The following ACTA2 variants were observed in gnomAD, a reference collection of about 807,000 sequenced individuals.
ACTA2 encodes the protein actin, aortic smooth muscle.
A neutral mutation model predicts 39.5 loss-of-function variants in ACTA2; 12 were observed. The observed-to-expected ratio is 0.30, with a 90% CI of 0.19 to 0.49. ACTA2 has a LOEUF of 0.49. Ranked by LOEUF, ACTA2 falls within the 20% of genes least tolerant of loss-of-function variation. The probability of loss-of-function intolerance (pLI) is 0.99; values close to 1 mark genes in which losing one functional copy is unlikely to be tolerated. For synonymous variants in ACTA2, 158 were observed against 180.6 expected (o/e 0.88, Z 1.00); for missense variants, 236 against 498.8 (o/e 0.47, Z 5.02).
At position 88,962,695 on chromosome 10, in the gene ACTA2, C is replaced by T. The variant is rs1290420091; in HGVS notation, c.-23-13742G>A. On this transcript the variant is annotated intron_variant, in intron 1 of 4. Transcript: ENST00000415557. ...TGACCATTTTATCAGCACGTGATTA[C>T]CATGATGTGGAATAAACTTCATAAG... Among the ~76,000 whole-genome samples, 3 of 151,854 alleles carry T rather than the reference C, an allele frequency of 2.0e-5. No individual in the cohort carries two copies. The East Asian group carries it at 5.8e-4, about 30-fold the overall frequency.
At chr10:88,947,045 T>C (rs574391785) in intron 3 of ACTA2, 4 of 568,894 alleles carry the variant, frequency 7.0e-6, no homozygotes, top group Non-Finnish European at 1.2e-5. Flanking sequence ...TCCAGCTTCA[T>C]CCATGTCCCT....
chr10:88,944,188 T>G (rs981594107), intron 3 of ACTA2, among the ~76,000 whole-genome samples: 1 of 152,158 alleles, frequency 6.6e-6, no homozygotes, highest in Non-Finnish European at 1.5e-5. Context: ...TGATCAAACC[T>G]TGGGTTCAAA....
At chr10:88,936,055 T>A (rs1177436173) in intron 8 of ACTA2, among the ~76,000 whole-genome samples, 1 of 152,250 alleles carries the variant, frequency 6.6e-6, no homozygotes, top group Non-Finnish European at 1.5e-5. Context: ...TACTTCTTAA[T>A]ACAAAGTACT....
intron 1 of ACTA2, among the ~76,000 whole-genome samples, chr10:88,982,141 T>C (rs1846726726): frequency 6.6e-6 from 1 of 152,222 alleles, no homozygotes; most frequent in Admixed American, 6.5e-5. Context: ...AGCTTACTGG[T>C]TGGGTGACTA....
Position 88,949,847 on chromosome 10 carries a change from G to A in ACTA2, c.-23-894C>T, listed in dbSNP as rs184082657. On this transcript the variant is annotated intron_variant, in intron 1 of 8. Transcript: ENST00000224784. ...TTGACTGAGGTTATTATGAAGTGGTGGGTTTTATAGGTGTTTTTAATTATT... is the reference window on the plus strand; with the variant it reads ...TTGACTGAGGTTATTATGAAGTGGTAGGTTTTATAGGTGTTTTTAATTATT... 3.0e-3 allele frequency among the ~76,000 whole-genome samples: 451 copies of A among 152,026 alleles called. 1 individual carries two copies. Among genetic ancestry groups the A allele is most frequent in the Non-Finnish European group, 5.3e-3 (359 of 67,974 alleles).
rs1847159438 is a variant in ACTA2, at chr10:88,991,038, G to A, written c.-123C>T. 4.0e-6 allele frequency: 5 copies of A among 1,235,834 alleles called. No homozygotes were observed. In the Admixed American group the frequency reaches 5.9e-5, roughly 15 times the overall value. The allele number at this position is 1,235,834 out of a possible 1,614,324, so 76.6% of individuals were successfully genotyped here. A position where few individuals can be genotyped will look rare whatever the true frequency, so the allele number is the denominator to read the frequency against. ...CGCGGGCACCTGGGAGCGGCGGGCT[G>A]CTGCGGGAGGCGTTGGAGACTGGCT... On this transcript the variant is annotated 5_prime_UTR_variant, in exon 1 of 5. Coordinates refer to the ACTA2 transcript ENST00000415557.
rs1845812292 is a variant in ACTA2 at position 88,939,657 on chromosome 10, AAC to A, written c.656_657del (p.Cys219LeufsTer7). 3 of 1,614,064 alleles carry A rather than the reference AAC, an allele frequency of 1.9e-6. No homozygotes were observed. Among genetic ancestry groups the A allele is most frequent in the Non-Finnish European group, 2.5e-6 (3 of 1,179,952 alleles). ...TCATTTTCAAAGTCCAGAGCTACAT[AAC>A]ACAGTTTCTCCTTGATGTCCCGGAC... is the stretch of plus-strand genomic sequence containing the variant. Reference protein sequence around the residue: ...EIVRDIKEKLCYVALDFENEM... With the variant: ...EIVRDIKEKLXYVALDFENEM... On this transcript the variant is annotated frameshift_variant, in exon 7 of 9. Transcript: ENST00000224784. LOFTEE classifies it high-confidence loss of function.
intron 1 of ACTA2, among the ~76,000 whole-genome samples, chr10:88,963,186 A>C (rs1846265411): frequency 6.6e-6 from 1 of 151,446 alleles, no homozygotes; most frequent in South Asian, 2.1e-4. Context: ...GGACACAGCC[A>C]AACCATATCA....
intron 1 of ACTA2, among the ~76,000 whole-genome samples, chr10:88,950,337 C>T (rs1401126254): frequency 6.6e-6 from 1 of 152,102 alleles, no homozygotes; most frequent in Admixed American, 6.5e-5. Flanking sequence ...ACTGATTGCA[C>T]CTCCAAATCC....
chr10:88,944,193 T>C (rs1845906671), intron 3 of ACTA2, among the ~76,000 whole-genome samples: 1 of 152,116 alleles, frequency 6.6e-6, no homozygotes, highest in African/African-American at 2.4e-5. Flanking sequence ...AAACCTTGGG[T>C]TCAAAGCCCA....
chr10:88,967,033 C>A (rs559310647), intron 1 of ACTA2, among the ~76,000 whole-genome samples: 2 of 152,310 alleles, frequency 1.3e-5, no homozygotes, highest in East Asian at 3.9e-4. Context: ...GTTTATACAA[C>A]ACTTATTTTA....
At chr10:88,953,751 A>G (rs1047991994), upstream of ACTA2, among the ~76,000 whole-genome samples, 2 of 152,162 alleles carry the variant, frequency 1.3e-5, no homozygotes, top group African/African-American at 4.8e-5. Context: ...TGCTGTTCTC[A>G]TGAAAGTGAG....
chr10:88,951,018 G>T lies in ACTA2; in HGVS notation c.-24+1713C>A, dbSNP rs532709214. On this transcript the variant is annotated intron_variant, in intron 1 of 8. Coordinates refer to ENST00000224784, the MANE Select transcript of ACTA2 (RefSeq NM_001613.4). ...CAGGCTTAGAATAAAAATAATCAAC[G>T]TGTGGATTCCACTTGCAAGAATGGA... Among the ~76,000 whole-genome samples the T allele has an allele frequency of 2.0e-5, 3 of 152,152 alleles. No homozygotes were observed. In the East Asian group the frequency reaches 5.8e-4, roughly 29 times the overall value.
chr10:88,947,504 C>A, intron 2 of ACTA2, 118 bp from the exon 3 acceptor site: 1 of 1,461,072 alleles, frequency 6.8e-7, no homozygotes, highest in Non-Finnish European at 9.5e-7. Flanking sequence ...TTATCAGCAA[C>A]AATAAACATA....
At chr10:88,983,629 A>C (rs985196178) in intron 1 of ACTA2, among the ~76,000 whole-genome samples, 210 of 147,874 alleles carry the variant, frequency 1.4e-3, no homozygotes, top group Middle Eastern at 3.5e-3. Context: ...AAAAAAAAAA[A>C]AAAAAAAAAA....
At chr10:88,984,074 T>C (rs936513152) in intron 1 of ACTA2, among the ~76,000 whole-genome samples, 3 of 152,240 alleles carry the variant, frequency 2.0e-5, no homozygotes, top group Admixed American at 6.5e-5. Context: ...GGAGGGTTAC[T>C]ATCATTCCTT....
intron 1 of ACTA2, among the ~76,000 whole-genome samples, chr10:88,978,855 C>T (rs1023794469): frequency 6.6e-6 from 1 of 152,012 alleles, no homozygotes; most frequent in Non-Finnish European, 1.5e-5. Context: ...AGCAACCTTC[C>T]TTATTCTTTC....
chr10:88,954,688 C>T (rs1386077725), upstream of ACTA2, among the ~76,000 whole-genome samples: 1 of 152,010 alleles, frequency 6.6e-6, no homozygotes, highest in Admixed American at 6.5e-5. Flanking sequence ...AATAATCAGA[C>T]TATGATGAAA....
Position 88,946,882 on chromosome 10 carries a change from T to C in ACTA2, c.258+376A>G, listed in dbSNP as rs561729036. The C allele has an allele frequency of 1.3e-4, 23 of 175,628 alleles. 1 individual carries two copies. The East Asian group carries it at 3.3e-3, about 25-fold the overall frequency. 10.9% of individuals were successfully genotyped at this position (175,628 alleles called of 1,614,324 possible). A position where few individuals can be genotyped will look rare whatever the true frequency, so the allele number is the denominator to read the frequency against. The stretch of plus-strand genomic sequence containing the variant: ...ACATTAGGTATATCTCCTAATGCTA[T>C]TCCTCCCCCTCCCCCCACCCCACAA... On this transcript the variant is annotated intron_variant, in intron 3 of 8. Transcript: ENST00000224784.
Sources: gnomAD v4.1 joint callset for allele counts (sites outside exome capture counted in the v4.1 genomes callset) on GRCh38, gnomAD v4.1.1 for gene constraint, MANE v1.5 for transcripts, NCBI Gene and HGNC (gene_info 2026-07-23, HGNC 2026-07-21) for gene names.